Variants in DTNBP1 observed in about 807,000 individuals in gnomAD.
DTNBP1 encodes the protein dysbindin.
In DTNBP1, 35 loss-of-function variants were observed where a neutral mutation model predicts 42.8. The observed-to-expected ratio is 0.82, with a 90% CI of 0.63 to 1.09. The LOEUF (loss-of-function observed/expected upper bound fraction) is 1.09. DTNBP1 is among the 50% of genes least tolerant of loss of function. The pLI is 0.00. For synonymous variants in DTNBP1, 171 were observed against 162.2 expected (o/e 1.05, Z -0.41); for missense variants, 457 against 424.2 (o/e 1.08, Z -0.68).
intron 6 of DTNBP1, among the ~76,000 whole-genome samples, chr6:15,602,711 A>G (rs1776777755): frequency 6.6e-6 from 1 of 152,234 alleles, no homozygotes; most frequent in Admixed American, 6.5e-5. Context: ...CTACTTTTCA[A>G]CCCAGGATAA....
intron 3 of DTNBP1, among the ~76,000 whole-genome samples, chr6:15,639,907 C>T (rs1760239465): frequency 1.3e-5 from 2 of 152,284 alleles, no homozygotes; most frequent in East Asian, 3.9e-4. Flanking sequence ...AATTTAGACT[C>T]CAGATCACTT....
At chr6:15,635,515 T>C (rs1216462451) in intron 4 of DTNBP1, among the ~76,000 whole-genome samples, 1 of 152,248 alleles carries the variant, frequency 6.6e-6, no homozygotes, top group African/African-American at 2.4e-5. Flanking sequence ...ATCTCATTTA[T>C]GGAAAATTCT....
intron 8 of DTNBP1, 37 bp downstream of exon 8, chr6:15,533,203 G>T (rs1406733622): frequency 6.8e-6 from 11 of 1,611,262 alleles, no homozygotes; most frequent in East Asian, 4.5e-5. Flanking sequence ...CGCACAGCCG[G>T]TGAGTCCCCA....
chr6:15,577,467 G>A (rs1581348955), intron 7 of DTNBP1, among the ~76,000 whole-genome samples: 2 of 152,236 alleles, frequency 1.3e-5, no homozygotes, highest in African/African-American at 2.4e-5. Flanking sequence ...CAGTTTGTGG[G>A]CAGCACTGGC....
intron 5 of DTNBP1, among the ~76,000 whole-genome samples, chr6:15,626,848 T>C (rs763582514): frequency 2.0e-4 from 30 of 152,114 alleles, no homozygotes; most frequent in Non-Finnish European, 2.5e-4. Context: ...GTCTCCAGAA[T>C]AGCTGCAACT....
Position 15,557,845 on chromosome 6 carries a change from C to T in DTNBP1, c.512-24450G>A, listed in dbSNP as rs1774615434. On this transcript the variant is annotated intron_variant, in intron 7 of 9. Coordinates refer to ENST00000344537, the MANE Select transcript of DTNBP1 (RefSeq NM_032122.5). The stretch of plus-strand genomic sequence containing the variant: ...TTTTATAATATCAAATGTTTTAAAC[C>T]TTTGATATTTGACAAACTTTCCAAA... 3.9e-5 allele frequency among the ~76,000 whole-genome samples: 6 copies of T among 152,038 alleles called. No individual in the cohort carries two copies. The South Asian group carries it at 1.2e-3, about 32-fold the overall frequency.
chr6:15,533,772 A>G, intron 7 of DTNBP1: 1 of 436,012 alleles, frequency 2.3e-6, no homozygotes, highest in South Asian at 1.7e-5. Context: ...ATGTTTCCAC[A>G]TCCCTGTGTT....
intron 7 of DTNBP1, among the ~76,000 whole-genome samples, chr6:15,539,219 G>C (rs760875147): frequency 3.3e-5 from 5 of 152,196 alleles, no homozygotes; most frequent in Non-Finnish European, 7.3e-5. Context: ...TTCCTAATTA[G>C]CATGTAATCA....
At chr6:15,523,477 C>CTGTA in intron 9 of DTNBP1, 1 of 1,292,418 alleles carries the variant, frequency 7.7e-7, no homozygotes, top group Non-Finnish European at 1.0e-6. Context: ...GCTCCTAAGG[C>CTGTA]TGTAATACGC....
intron 5 of DTNBP1, among the ~76,000 whole-genome samples, chr6:15,624,081 C>A (rs757665620): frequency 6.6e-6 from 1 of 152,208 alleles, no homozygotes; most frequent in African/African-American, 2.4e-5. Context: ...AGAGTCTGTA[C>A]GCAGTGCGTG....
At chr6:15,604,224 A>G (rs6909929) in intron 6 of DTNBP1, among the ~76,000 whole-genome samples, 100,618 of 152,068 alleles carry the variant, frequency 0.66, 34,333 homozygotes, top group African/African-American at 0.82. Context: ...GTTTCGGGGG[A>G]GAGAATAAAT....
intron 7 of DTNBP1, among the ~76,000 whole-genome samples, chr6:15,540,529 G>A (rs949138984): frequency 2.0e-5 from 3 of 152,288 alleles, no homozygotes; most frequent in East Asian, 1.9e-4. Context: ...TGATTCTCTC[G>A]TGTTGCTGAA....
At chr6:15,549,407 C>T (rs1489474547) in intron 7 of DTNBP1, among the ~76,000 whole-genome samples, 2 of 150,516 alleles carry the variant, frequency 1.3e-5, no homozygotes, top group African/African-American at 2.5e-5. Flanking sequence ...GTCGCTTGAA[C>T]CCAGGAGGCG....
At chr6:15,525,043 C>T (rs1772278473) in intron 8 of DTNBP1, among the ~76,000 whole-genome samples, 1 of 152,218 alleles carries the variant, frequency 6.6e-6, no homozygotes, top group Non-Finnish European at 1.5e-5. Context: ...AGCTCTGCTT[C>T]CTGCCTACAG....
At chr6:15,648,131 G>A (rs1258456379) in intron 3 of DTNBP1, among the ~76,000 whole-genome samples, 1 of 151,956 alleles carries the variant, frequency 6.6e-6, no homozygotes, top group African/African-American at 2.4e-5. Flanking sequence ...GTAATAATAT[G>A]ACAGATTGGT....
intron 6 of DTNBP1, among the ~76,000 whole-genome samples, chr6:15,593,340 T>C (rs1776376101): frequency 6.6e-6 from 1 of 152,098 alleles, no homozygotes; most frequent in Non-Finnish European, 1.5e-5. Flanking sequence ...AACAATTTCA[T>C]CTAAACAATA....
intron 3 of DTNBP1, among the ~76,000 whole-genome samples, chr6:15,649,447 A>C (rs1760863175): frequency 6.6e-6 from 1 of 152,186 alleles, no homozygotes; most frequent in East Asian, 1.9e-4. Context: ...ATGTTCCTAG[A>C]ATAGTCAAAT....
chr6:15,564,065 G>GA (rs201105772), intron 7 of DTNBP1, among the ~76,000 whole-genome samples: 6,506 of 116,136 alleles, frequency 0.056, 198 homozygotes, highest in African/African-American at 0.094. Flanking sequence ...CTTGGTCTCG[G>GA]AAAAAAAAAA....
In DTNBP1 at chr6:15,652,079, A is replaced by T; in HGVS notation, c.110+8T>A. ...CACAGTTAAGTTAAAATCTTAGCAC[A>T]AGCTTACCTGGGTTTGCTTTTCACT... On this transcript the variant is annotated splice_region_variant and intron_variant, in intron 2 of 9. Coordinates refer to ENST00000344537, the MANE Select transcript of DTNBP1 (RefSeq NM_032122.5). 1.2e-6 allele frequency: 2 copies of T among 1,612,370 alleles called. No individual in the cohort carries two copies. Among genetic ancestry groups the T allele is most frequent in the Non-Finnish European group, 1.7e-6 (2 of 1,178,804 alleles).
Sources: allele counts gnomAD v4.1 joint callset (sites outside exome capture counted in the v4.1 genomes callset), GRCh38; gene constraint gnomAD v4.1.1; transcripts MANE v1.5; gene names NCBI Gene and HGNC (gene_info 2026-07-23, HGNC 2026-07-21).